Variants in EXOSC8 observed in about 807,000 individuals in gnomAD.
EXOSC8 encodes exosome complex component RRP43.
EXOSC8 carries 37 observed loss-of-function variants against 39.9 expected under a neutral mutation model. The ratio of observed to expected loss-of-function variants is 0.93; its 90% CI spans 0.71 to 1.22. EXOSC8 has a LOEUF of 1.22. EXOSC8 is among the 50% of genes most tolerant of loss of function. The pLI is 0.00. For synonymous variants in EXOSC8, 93 were observed against 109.5 expected (o/e 0.85, Z 0.94); for missense variants, 313 against 326.6 (o/e 0.96, Z 0.32).
At chr13:37,007,924 G>A (rs919329851) in intron 8 of EXOSC8, 133 bp from the exon 9 acceptor site, 1 of 649,748 alleles carries the variant, frequency 1.5e-6, no homozygotes, top group Non-Finnish European at 2.7e-6. Context: ...TACCTTAGTG[G>A]CTGTAAGGTG....
In EXOSC8 at chr13:37,000,834, C is replaced by G; in HGVS notation, c.17+12C>G. The G allele has an allele frequency of 6.4e-7, 1 of 1,563,448 alleles. No homozygotes were observed. The highest frequency in any genetic ancestry group is 8.7e-7 in the Non-Finnish European group (1 of 1,154,560). ...GCGGCTGGGTTCAAGTGAGTGTTGG[C>G]GGGTGGCGGGTAGAGTTCTGTACCC... is the stretch of plus-strand genomic sequence containing the variant. On this transcript the variant is annotated intron_variant, in intron 1 of 10. Coordinates refer to ENST00000389704, the MANE Select transcript of EXOSC8 (RefSeq NM_181503.3).
At chr13:37,004,770 C>G (rs2059127538) in intron 5 of EXOSC8, among the ~76,000 whole-genome samples, 1 of 152,138 alleles carries the variant, frequency 6.6e-6, no homozygotes, top group Non-Finnish European at 1.5e-5. Context: ...TAACCTTTAT[C>G]AAACTTGTTT....
At chr13:37,008,901 G>A (rs936500830) in intron 10 of EXOSC8, 66 bp downstream of exon 10, 1 of 1,012,286 alleles carries the variant, frequency 9.9e-7, no homozygotes, top group Non-Finnish European at 1.6e-6. Flanking sequence ...CTTAAATTAG[G>A]GAGGGCCAAA....
At chr13:37,009,038 G>T in intron 10 of EXOSC8, 146 bp from the exon 11 acceptor site, 1 of 694,446 alleles carries the variant, frequency 1.4e-6, no homozygotes. Flanking sequence ...TCACTTGGAG[G>T]TCTTGTGAAA....
At chr13:37,004,643 T>C in intron 5 of EXOSC8, 82 bp downstream of exon 5, 1 of 852,020 alleles carries the variant, frequency 1.2e-6, no homozygotes, top group Non-Finnish European at 1.9e-6. Context: ...GTTAAGTTGA[T>C]GTAAAGAAAA....
intron 8 of EXOSC8, among the ~76,000 whole-genome samples, chr13:37,007,829 C>T (rs1275175235): frequency 6.6e-6 from 1 of 151,854 alleles, no homozygotes; most frequent in Non-Finnish European, 1.5e-5. Flanking sequence ...AAATCATTGA[C>T]TTCTTAAACT....
rs372941276 is a variant in EXOSC8, at chr13:37,005,840, G to A, written c.239-80G>A. On this transcript the variant is annotated intron_variant, in intron 5 of 10. Coordinates refer to ENST00000389704, the MANE Select transcript of EXOSC8 (RefSeq NM_181503.3). ...GATCGCACCAATGCACTCCAGCCTG[G>A]CAACAGAGCAAGACTCCATCTCAAA... is the stretch of plus-strand genomic sequence containing the variant. 36 of 691,396 alleles carry A rather than the reference G, an allele frequency of 5.2e-5. 1 individual carries two copies. The African/African-American group carries it at 6.5e-4, about 12-fold the overall frequency. The allele number at this position is 691,396 out of a possible 1,614,324, so 42.8% of individuals were successfully genotyped here. A position where few individuals can be genotyped will look rare whatever the true frequency, so the allele number is the denominator to read the frequency against.
At chr13:37,005,862 CAAAAAA>C (rs59234766) in intron 5 of EXOSC8, 52 bp from the exon 6 acceptor site, 68 of 296,954 alleles carry the variant, frequency 2.3e-4, no homozygotes, top group Non-Finnish European at 3.0e-4. Context: ...GACTCCATCT[CAAAAAA>C]AAAAAAAAAA....
At chr13:37,007,170 TAATG>T (rs774854200) in intron 8 of EXOSC8, 99 bp downstream of exon 8, 3 of 752,260 alleles carry the variant, frequency 4.0e-6, no homozygotes, top group Non-Finnish European at 4.8e-6. Context: ...GCTTCCAAAT[TAATG>T]AATGTAATGC....
At chr13:37,006,190 T>C in intron 7 of EXOSC8, 30 bp downstream of exon 7, 2 of 1,514,596 alleles carry the variant, frequency 1.3e-6, no homozygotes, top group Non-Finnish European at 1.8e-6. Context: ...TATAAGTTCT[T>C]ATTAATTCTG....
chr13:37,007,854 G>T (rs2059156684), intron 8 of EXOSC8, among the ~76,000 whole-genome samples: 1 of 151,828 alleles, frequency 6.6e-6, no homozygotes, highest in African/African-American at 2.4e-5. Flanking sequence ...AAAAAATTAT[G>T]CAATAAGCAC....
At position 37,007,075 on chromosome 13, in the gene EXOSC8, A is replaced by C. The variant is rs774273942; in HGVS notation, c.487+4A>C. The C allele has an allele frequency of 6.3e-7, 1 of 1,596,190 alleles. No homozygotes were observed. Among genetic ancestry groups the C allele is most frequent in the Non-Finnish European group, 8.6e-7 (1 of 1,163,602 alleles). On this transcript the variant is annotated splice_donor_region_variant and intron_variant, in intron 8 of 10. Coordinates refer to ENST00000389704, the MANE Select transcript of EXOSC8 (RefSeq NM_181503.3). ...TTGCTAGCGGCTTTAAAAAATGGTA[A>C]GCAGCCTTACAAAAAAGGCAATATT...
chr13:37,002,425 T>C (rs1304279958), intron 2 of EXOSC8, 63 bp from the exon 3 acceptor site: 10 of 1,323,020 alleles, frequency 7.6e-6, no homozygotes, highest in Non-Finnish European at 1.1e-5. Flanking sequence ...GTGTAAAACT[T>C]GTGATAGATG....
chr13:37,008,591 C>G, intron 9 of EXOSC8, 138 bp from the exon 10 acceptor site: 1 of 617,638 alleles, frequency 1.6e-6, no homozygotes, highest in South Asian at 2.0e-5. Context: ...CCTGTCTCTA[C>G]TAAAAACACA....
In EXOSC8 at chr13:37,000,852, C is replaced by G. The variant is rs930949811; in HGVS notation, c.17+30C>G. 2.6e-6 allele frequency: 4 copies of G among 1,512,224 alleles called. No homozygotes were observed. The African/African-American group carries it at 5.7e-5, about 22-fold the overall frequency. 93.7% of individuals were successfully genotyped at this position (1,512,224 alleles called of 1,614,324 possible). A position where few individuals can be genotyped will look rare whatever the true frequency, so the allele number is the denominator to read the frequency against. On this transcript the variant is annotated intron_variant, in intron 1 of 10. Coordinates refer to ENST00000389704, the MANE Select transcript of EXOSC8 (RefSeq NM_181503.3). ...GTGTTGGCGGGTGGCGGGTAGAGTT[C>G]TGTACCCTGGCGGACGGCAGCTTCC...
intron 6 of EXOSC8, 26 bp downstream of exon 6, chr13:37,006,051 T>C (rs746689719): frequency 2.0e-5 from 31 of 1,581,344 alleles, no homozygotes; most frequent in African/African-American, 2.7e-5. Flanking sequence ...TAAAATTTTA[T>C]TACAATTCAT....
Position 37,008,057 on chromosome 13 carries a change from T to C in EXOSC8, c.488T>C (p.Val163Ala), listed in dbSNP as rs150857216. ...TFALLAALKN[V>A]QLPEVTINEE... Reference sequence around the variant, plus strand: ...ACTTTACAAATTTGCCTTTTCTTAGTACAGTTGCCTGAAGTTACTATAAAT... The same window carrying C: ...ACTTTACAAATTTGCCTTTTCTTAGCACAGTTGCCTGAAGTTACTATAAAT... The change falls in exon 9 of 11, where the codon GTA becomes GCA. Residue 163 changes from valine to alanine, a missense_variant and splice_region_variant. Val to Ala is a moderately conservative substitution (Grantham distance 64, BLOSUM62 0). Transcript: ENST00000389704. The C allele has an allele frequency of 6.9e-6, 11 of 1,588,882 alleles. No homozygotes were observed. The African/African-American group carries it at 9.5e-5, about 14-fold the overall frequency.
intron 10 of EXOSC8, 75 bp from the exon 11 acceptor site, chr13:37,009,109 A>G: frequency 9.9e-7 from 1 of 1,014,114 alleles, no homozygotes; most frequent in Non-Finnish European, 1.5e-6. Context: ...TTGTTTTATA[A>G]TTTGACATGA....
At position 37,008,138 on chromosome 13, in the gene EXOSC8, G is replaced by A. The variant is rs200992929; in HGVS notation, c.569G>A (p.Arg190Lys). 2.8e-5 allele frequency: 44 copies of A among 1,597,636 alleles called. 1 individual carries two copies. In the Admixed American group the frequency reaches 7.2e-4, roughly 26 times the overall value. Residue 190 changes from arginine (R) to lysine (K), a missense_variant, in exon 9 of 11, where the codon AGA (arginine) becomes AAA (lysine). Transcript: ENST00000389704. ...AAGAAGAAAAGTTATTTGAATATTA[G>A]AACTCATCCAGTTGCAACTTCCTTT... is the stretch of plus-strand genomic sequence containing the variant. ...NLKKKSYLNI[R>K]THPVATSFAV...
Sources: allele counts gnomAD v4.1 joint callset (sites outside exome capture counted in the v4.1 genomes callset), GRCh38; gene constraint gnomAD v4.1.1; transcripts MANE v1.5; gene names NCBI Gene and HGNC (gene_info 2026-07-23, HGNC 2026-07-21).